Variants in ZNF408 observed in about 807,000 individuals in gnomAD.
The protein encoded by ZNF408 is zinc finger protein 408.
In ZNF408, 24 loss-of-function variants were observed where a neutral mutation model predicts 27.6. That is an observed-to-expected ratio of 0.87 (90% CI 0.63 to 1.22). ZNF408 has a LOEUF of 1.22. Among genes scored for constraint, ZNF408 ranks in the 50% most tolerant of loss-of-function variants. The pLI is 0.00. For synonymous variants in ZNF408, 410 were observed against 396.1 expected (o/e 1.04, Z -0.42); for missense variants, 897 against 949.0 (o/e 0.95, Z 0.72).
chr11:46,702,855 G>C, intron 3 of ZNF408, 90 bp downstream of exon 3: 1 of 1,598,124 alleles, frequency 6.3e-7, no homozygotes. Context: ...CCTATTCAGT[G>C]CTCTTTTGCA....
At position 46,703,286 on chromosome 11, in the gene ZNF408, C is replaced by T. The variant is rs200724523; in HGVS notation, c.652+43C>T. 4.9e-5 allele frequency: 78 copies of T among 1,576,418 alleles called. No individual in the cohort carries two copies. The African/African-American group carries it at 9.7e-4, about 20-fold the overall frequency. ...GCTGGTTTCCCAGCAATTTCCCCAC[C>T]AAAACAACCTGTTGATAAGACAAAG... On this transcript the variant is annotated intron_variant, in intron 4 of 4. Coordinates refer to ENST00000311764, the MANE Select transcript of ZNF408 (RefSeq NM_024741.3).
At position 46,704,946 on chromosome 11, in the gene ZNF408, A is replaced by G; in HGVS notation, c.1246A>G (p.Lys416Glu). The G allele has an allele frequency of 6.2e-7, 1 of 1,613,514 alleles. No homozygotes were observed. The highest frequency in any genetic ancestry group is 2.2e-5 in the East Asian group (1 of 44,854). ...GCCCTTCCCCTGTCCACAATGCGACAAGGCCTATGGCACCCAGCGAGACCT... is the reference window on the plus strand; with the variant it reads ...GCCCTTCCCCTGTCCACAATGCGACGAGGCCTATGGCACCCAGCGAGACCT... ...VRPFPCPQCDKAYGTQRDLKE... is the reference protein window; with the variant it reads ...VRPFPCPQCDEAYGTQRDLKE... The change falls in exon 5 of 5, where the codon AAG becomes GAG. Residue 416 changes from lysine to glutamate, a missense_variant. Transcript: ENST00000311764.
chr11:46,703,573 T>G (rs1037808111), intron 4 of ZNF408, among the ~76,000 whole-genome samples: 2 of 151,974 alleles, frequency 1.3e-5, no homozygotes, highest in South Asian at 4.1e-4. Flanking sequence ...AATAACAATA[T>G]AGATATTTGC....
rs760635913 is a variant in ZNF408, at chr11:46,701,036, T to G, written c.-12T>G. 2.5e-6 allele frequency: 4 copies of G among 1,614,018 alleles called. No individual in the cohort carries two copies. Among genetic ancestry groups the G allele is most frequent in the South Asian group, 1.1e-5 (1 of 91,084 alleles). On this transcript the variant is annotated 5_prime_UTR_variant, in exon 1 of 5. Transcript: ENST00000311764. Reference sequence around the variant, plus strand: ...AGCTCACTTCCGGCGTAGGGAGGCTTTCTGACCCGGAATGGAGGAGGCGGA... The same window carrying G: ...AGCTCACTTCCGGCGTAGGGAGGCTGTCTGACCCGGAATGGAGGAGGCGGA...
chr11:46,703,006 G>A lies in ZNF408; in HGVS notation c.415G>A (p.Glu139Lys). ...WTSLVQRGRLESEGNVAPVRI... is the reference protein window; with the variant it reads ...WTSLVQRGRLKSEGNVAPVRI... ...CAGCTTGGTACAACGGGGCAGGCTG[G>A]AGAGTGAGGGAAATGTGGCCCCAGT... The change falls in exon 4 of 5, where the codon GAG (glutamate) becomes AAG (lysine). Residue 139 changes from glutamate (E) to lysine (K), a missense_variant. Coordinates refer to ENST00000311764, the MANE Select transcript of ZNF408 (RefSeq NM_024741.3). 3.1e-6 allele frequency: 5 copies of A among 1,614,032 alleles called. No individual in the cohort carries two copies. The highest frequency in any genetic ancestry group is 3.4e-6 in the Non-Finnish European group (4 of 1,179,882).
At position 46,701,187 on chromosome 11, in the gene ZNF408, C is replaced by T. The variant is rs1477327149; in HGVS notation, c.52+88C>T. 1.9e-6 allele frequency: 3 copies of T among 1,605,746 alleles called. No individual in the cohort carries two copies. In the Admixed American group the frequency reaches 5.0e-5, roughly 27 times the overall value. On this transcript the variant is annotated intron_variant, in intron 1 of 4. Coordinates refer to ENST00000311764, the MANE Select transcript of ZNF408 (RefSeq NM_024741.3). The stretch of plus-strand genomic sequence containing the variant: ...TCAGCTTTCTCCTCAGTCTTCTCTC[C>T]TCCGGATCCCAGGATCCTCCAGTGC...
In ZNF408 at chr11:46,701,687, A is replaced by T; in HGVS notation, c.330+11A>T. On this transcript the variant is annotated intron_variant, in intron 2 of 4. Coordinates refer to ENST00000311764, the MANE Select transcript of ZNF408 (RefSeq NM_024741.3). ...CCACGGCAGGAGGAGGTATTGAAGG[A>T]TAGAGCGACTTCCCTCCGCCCTTGA... 2 of 1,543,528 alleles carry T rather than the reference A, an allele frequency of 1.3e-6. No homozygotes were observed. The highest frequency in any genetic ancestry group is 1.8e-6 in the Non-Finnish European group (2 of 1,140,980).
chr11:46,701,207 C>T, intron 1 of ZNF408, 108 bp downstream of exon 1: 1 of 1,592,606 alleles, frequency 6.3e-7, no homozygotes, highest in Non-Finnish European at 8.6e-7. Context: ...CAGGATCCTC[C>T]AGTGCCCTCA....
chr11:46,705,223 G>A lies in ZNF408; in HGVS notation c.1523G>A (p.Arg508Gln), dbSNP rs1450461398. ...CACTGTGGCCGGGCGTTTCGTCAGC[G>A]GGGCAACCTGCGTGGGCATTTGCGG... ...CPHCGRAFRQ[R>Q]GNLRGHLRLH... is the part of the protein sequence containing the mutation. The change falls in exon 5 of 5, where the codon CGG (arginine) becomes CAG (glutamine). Residue 508 changes from arginine to glutamine, a missense_variant. Transcript: ENST00000311764. The surrounding 1 kb of genome is among the most constrained non-coding windows in gnomAD (Gnocchi z 6.5). The A allele has an allele frequency of 3.1e-6, 5 of 1,611,928 alleles. No individual in the cohort carries two copies. The highest frequency in any genetic ancestry group is 4.2e-6 in the Non-Finnish European group (5 of 1,179,890).
Position 46,704,671 on chromosome 11 carries a change from A to G in ZNF408, c.971A>G (p.Glu324Gly), listed in dbSNP as rs757195115. ...TGCCCACCCAGAGCAAAGACCCCAG[A>G]GCCTGGAGCCCAGCAGTCTGGCTTC... ...DQCPPRAKTP[E>G]PGAQQSGFPT... Residue 324 changes from glutamate to glycine, a missense_variant, in exon 5 of 5, where the codon GAG (glutamate) becomes GGG (glycine). Coordinates refer to ENST00000311764, the MANE Select transcript of ZNF408 (RefSeq NM_024741.3). The G allele has an allele frequency of 6.2e-7, 1 of 1,613,524 alleles. No homozygotes were observed. Among genetic ancestry groups the G allele is most frequent in the East Asian group, 2.2e-5 (1 of 44,860 alleles).
rs143952516 is a variant in ZNF408 at position 46,704,752 on chromosome 11, G to A, written c.1052G>A (p.Arg351Gln). The A allele has an allele frequency of 4.4e-6, 7 of 1,595,842 alleles. No individual in the cohort carries two copies. Among genetic ancestry groups the A allele is most frequent in the Non-Finnish European group, 6.0e-6 (7 of 1,171,726 alleles). Residue 351 changes from arginine to glutamine, a missense_variant, in exon 5 of 5, where the codon CGA becomes CAA. Coordinates refer to ENST00000311764, the MANE Select transcript of ZNF408 (RefSeq NM_024741.3). ...GPAGSSPKQG[R>Q]RYRCGECGKA... ...GCAGGAAGCTCCCCAAAGCAGGGGC[G>A]ACGGTACCGGTGTGGAGAGTGTGGC...
Position 46,705,652 on chromosome 11 carries a change from T to C in ZNF408, c.1952T>C (p.Leu651Pro). 1 of 1,613,668 alleles carries C rather than the reference T, an allele frequency of 6.2e-7. No individual in the cohort carries two copies. Among genetic ancestry groups the C allele is most frequent in the Non-Finnish European group, 8.5e-7 (1 of 1,180,018 alleles). Residue 651 changes from leucine to proline, a missense_variant, in exon 5 of 5, where the codon CTC (leucine) becomes CCC (proline). Leu to Pro is a moderately conservative substitution (Grantham distance 98). Coordinates refer to ENST00000311764, the MANE Select transcript of ZNF408 (RefSeq NM_024741.3). The surrounding 1 kb of genome is among the most constrained non-coding windows in gnomAD (Gnocchi z 6.5). Reference sequence around the variant, plus strand: ...GCTGCTTCTGAGCCCACTGTGGTGCTCCTGCAGGCTGAGCCACAACTGCTG... The same window carrying C: ...GCTGCTTCTGAGCCCACTGTGGTGCCCCTGCAGGCTGAGCCACAACTGCTG... ...PSAASEPTVV[L>P]LQAEPQLLDT...
In ZNF408 at chr11:46,704,921, G is replaced by A; in HGVS notation, c.1221G>A (p.Arg407=). 6.2e-7 allele frequency: 1 copy of A among 1,613,420 alleles called. No homozygotes were observed. Among genetic ancestry groups the A allele is most frequent in the Non-Finnish European group, 8.5e-7 (1 of 1,179,964 alleles). Residue 407 remains arginine (R), a synonymous_variant, in exon 5 of 5, where the codon CGG becomes CGA. Transcript: ENST00000311764. ...ATATGCTGGGCCACCGTGGGGTGCG[G>A]CCCTTCCCCTGTCCACAATGCGACA... ...KAHMLGHRGV[R]PFPCPQCDKA... is the part of the protein sequence containing the mutation.
At chr11:46,703,770 G>GTTTTTTTTT (rs1480616553) in intron 4 of ZNF408, among the ~76,000 whole-genome samples, 1 of 93,836 alleles carries the variant, frequency 1.1e-5, no homozygotes, top group Non-Finnish European at 1.9e-5. Context: ...TGTTGTTGTT[G>GTTTTTTTTT]TTTTTTTTTT....
chr11:46,704,928 C>G lies in ZNF408; in HGVS notation c.1228C>G (p.Pro410Ala). 1 of 1,613,552 alleles carries G rather than the reference C, an allele frequency of 6.2e-7. No individual in the cohort carries two copies. ...GGGCCACCGTGGGGTGCGGCCCTTC[C>G]CCTGTCCACAATGCGACAAGGCCTA... ...MLGHRGVRPF[P>A]CPQCDKAYGT... is the part of the protein sequence containing the mutation. Residue 410 changes from proline (P) to alanine (A), a missense_variant, in exon 5 of 5, where the codon CCC (proline) becomes GCC (alanine). Pro to Ala is a conservative substitution (Grantham distance 27, BLOSUM62 -1). Coordinates refer to ENST00000311764, the MANE Select transcript of ZNF408 (RefSeq NM_024741.3).
rs1436288519 is a variant in ZNF408 at position 46,705,658 on chromosome 11, A to G, written c.1958A>G (p.Gln653Arg). The G allele has an allele frequency of 5.0e-6, 8 of 1,613,750 alleles. No individual in the cohort carries two copies. The highest frequency in any genetic ancestry group is 6.8e-6 in the Non-Finnish European group (8 of 1,180,000). The stretch of plus-strand genomic sequence containing the variant: ...TCTGAGCCCACTGTGGTGCTCCTGC[A>G]GGCTGAGCCACAACTGCTGGACACA... ...AASEPTVVLL[Q>R]AEPQLLDTHR... is the part of the protein sequence containing the mutation. Residue 653 changes from glutamine (Q) to arginine (R), a missense_variant, in exon 5 of 5, where the codon CAG becomes CGG. Transcript: ENST00000311764. The surrounding 1 kb of genome is among the most constrained non-coding windows in gnomAD (Gnocchi z 6.5).
chr11:46,705,901 C>CGG lies in ZNF408; in HGVS notation c.*39_*40insGG. On this transcript the variant is annotated 3_prime_UTR_variant, in exon 5 of 5. Coordinates refer to ENST00000311764, the MANE Select transcript of ZNF408 (RefSeq NM_024741.3). The surrounding 1 kb of genome is among the most constrained non-coding windows in gnomAD (Gnocchi z 6.5). Reference sequence around the variant, plus strand: ...TTGCTGACACAGCTCCATAAAGACTCGTGCTTTCTCACTGCTGCGTGTCTG... The same window carrying CGG: ...TTGCTGACACAGCTCCATAAAGACTCGGGTGCTTTCTCACTGCTGCGTGTCTG... 6.3e-7 allele frequency: 1 copy of CGG among 1,578,198 alleles called. No individual in the cohort carries two copies. Among genetic ancestry groups the CGG allele is most frequent in the Non-Finnish European group, 8.6e-7 (1 of 1,162,260 alleles).
chr11:46,705,713 G>A lies in ZNF408; in HGVS notation c.2013G>A (p.Arg671=). Residue 671 remains arginine, a synonymous_variant, in exon 5 of 5, where the codon AGG becomes AGA. Transcript: ENST00000311764. This position sits in a 1 kb window ranked among gnomAD's most constrained non-coding sequence, Gnocchi z 6.5. The part of the protein sequence containing the change: ...THREEEVSPA[R]DVVEVTISES... ...GAGAGGAGGAAGTCTCCCCCGCCAG[G>A]GATGTTGTTGAGGTCACCATTTCAG... 5 of 1,613,326 alleles carry A rather than the reference G, an allele frequency of 3.1e-6. No individual in the cohort carries two copies. The highest frequency in any genetic ancestry group is 4.2e-6 in the Non-Finnish European group (5 of 1,179,718).
Position 46,705,380 on chromosome 11 carries a change from C to T in ZNF408, c.1680C>T (p.Leu560=). The stretch of plus-strand genomic sequence containing the variant: ...TGTGCCCGGTGTGTGGCAAGGCCCT[C>T]CGAGACCCACACACGCTCCGAGCTC... ...AHLCPVCGKA[L]RDPHTLRAHE... is the part of the protein sequence containing the mutation. Residue 560 remains leucine, a synonymous_variant, in exon 5 of 5, where the codon CTC becomes CTT. Coordinates refer to ENST00000311764, the MANE Select transcript of ZNF408 (RefSeq NM_024741.3). The surrounding 1 kb of genome is among the most constrained non-coding windows in gnomAD (Gnocchi z 6.5). The T allele has an allele frequency of 6.2e-7, 1 of 1,608,742 alleles. No individual in the cohort carries two copies. The highest frequency in any genetic ancestry group is 8.5e-7 in the Non-Finnish European group (1 of 1,179,848).
Sources: allele counts gnomAD v4.1 joint callset (sites outside exome capture counted in the v4.1 genomes callset), GRCh38; gene constraint gnomAD v4.1.1; non-coding constraint Gnocchi (gnomAD v3.1); transcripts MANE v1.5; gene names NCBI Gene and HGNC (gene_info 2026-07-23, HGNC 2026-07-21).